MED27: variants seen among roughly 807,000 people sequenced by gnomAD.
MED27 encodes the protein mediator complex subunit 27, also known as mediator of RNA polymerase II transcription subunit 27.
A neutral mutation model predicts 38.2 loss-of-function variants in MED27; 30 were observed. That is an observed-to-expected ratio of 0.79 (90% confidence interval 0.59 to 1.07). The LOEUF is 1.07. Among genes scored for constraint, MED27 ranks in the 50% least tolerant of loss-of-function variants. The probability of loss-of-function intolerance (pLI) is 0.00; values close to 1 mark genes in which losing one functional copy is unlikely to be tolerated. For synonymous variants in MED27, 122 were observed against 153.5 expected (o/e 0.79, Z 1.52); for missense variants, 289 against 397.5 (o/e 0.73, Z 2.32).
At chr9:132,008,568 T>A (rs546261234) in intron 3 of MED27, among the ~76,000 whole-genome samples, 1 of 152,362 alleles carries the variant, frequency 6.6e-6, no homozygotes, top group African/African-American at 2.4e-5. Flanking sequence ...AAGATATGAA[T>A]CATTAATCCC....
intron 2 of MED27, among the ~76,000 whole-genome samples, chr9:132,041,456 TGAACATTTAACATAGGGG>T (rs1385585164): frequency 2.0e-5 from 3 of 152,172 alleles, no homozygotes; most frequent in Non-Finnish European, 4.4e-5. Context: ...TAGCACCAAA[TGAACATTTAACATAGGGG>T]ACTGCAGTTC....
intron 2 of MED27, among the ~76,000 whole-genome samples, chr9:132,062,556 A>G (rs1192736384): frequency 6.6e-6 from 1 of 152,172 alleles, no homozygotes; most frequent in Non-Finnish European, 1.5e-5. Context: ...CCTGGACCAC[A>G]TAACGAGCTA....
At chr9:132,031,575 AG>A (rs1411832242) in intron 2 of MED27, among the ~76,000 whole-genome samples, 1 of 152,152 alleles carries the variant, frequency 6.6e-6, no homozygotes, top group African/African-American at 2.4e-5. Context: ...GAGAGGTTGA[AG>A]TGGGAGATCA....
At chr9:131,899,509 C>G (rs553450473) in intron 4 of MED27, among the ~76,000 whole-genome samples, 1 of 152,304 alleles carries the variant, frequency 6.6e-6, no homozygotes, top group Admixed American at 6.5e-5. Context: ...CAGGGCAACT[C>G]AGACAACCTC....
At chr9:132,037,565 T>C (rs1678340638) in intron 2 of MED27, among the ~76,000 whole-genome samples, 1 of 152,188 alleles carries the variant, frequency 6.6e-6, no homozygotes. Flanking sequence ...TGGTAATTCA[T>C]ATTTCAAAAT....
At chr9:132,042,529 T>C (rs1589284706) in intron 2 of MED27, among the ~76,000 whole-genome samples, 1 of 152,216 alleles carries the variant, frequency 6.6e-6, no homozygotes, top group African/African-American at 2.4e-5. Context: ...ATCCCACAAT[T>C]CCTGCCCCTC....
intron 2 of MED27, among the ~76,000 whole-genome samples, chr9:132,043,537 TCATA>T (rs1308287298): frequency 3.3e-5 from 5 of 152,156 alleles, no homozygotes; most frequent in African/African-American, 1.2e-4. Flanking sequence ...ATATATAGTT[TCATA>T]CATAAAATCT....
At chr9:131,969,295 C>G (rs1044390097) in intron 3 of MED27, among the ~76,000 whole-genome samples, 2 of 151,840 alleles carry the variant, frequency 1.3e-5, no homozygotes, top group Non-Finnish European at 2.9e-5. Flanking sequence ...ATCAGGGACT[C>G]CATAAAGGAA....
At chr9:132,004,782 C>T (rs1329774199) in intron 3 of MED27, among the ~76,000 whole-genome samples, 7 of 152,192 alleles carry the variant, frequency 4.6e-5, no homozygotes, top group African/African-American at 1.7e-4. Flanking sequence ...TAGGAACGCA[C>T]GTCCAGAACA....
At chr9:132,037,018 G>C (rs1202764927) in intron 2 of MED27, among the ~76,000 whole-genome samples, 4 of 152,184 alleles carry the variant, frequency 2.6e-5, no homozygotes, top group African/African-American at 9.7e-5. Flanking sequence ...CCAAAGAGCA[G>C]AGCAAGGAGA....
intron 3 of MED27, among the ~76,000 whole-genome samples, chr9:131,973,023 C>A (rs1270970710): frequency 6.6e-6 from 1 of 152,184 alleles, no homozygotes; most frequent in African/African-American, 2.4e-5. Flanking sequence ...GGAAGCAATA[C>A]AAGAAAATTT....
intron 3 of MED27, among the ~76,000 whole-genome samples, chr9:132,000,075 A>T (rs1385179619): frequency 1.4e-5 from 1 of 70,994 alleles, no homozygotes; most frequent in Non-Finnish European, 2.5e-5. Flanking sequence ...CAAAAGTAAA[A>T]TCACTTTTGA....
At position 131,917,127 on chromosome 9, in the gene MED27, T is replaced by A. The variant is rs757765212; in HGVS notation, c.573+22254A>T. Among the ~76,000 whole-genome samples, 1 of 152,094 alleles carries A rather than the reference T, an allele frequency of 6.6e-6. No individual in the cohort carries two copies. The highest frequency in any genetic ancestry group is 1.5e-5 in the Non-Finnish European group (1 of 68,004). ...CTGGAAATGGGAAGGTATTTTTGCT[T>A]GTCACAGTAAGTCAGGGAGCTATTG... On this transcript the variant is annotated intron_variant, in intron 4 of 7. Transcript: ENST00000292035. The surrounding 1 kb of genome is among the most constrained non-coding windows in gnomAD (Gnocchi z 4.6).
rs80336864 is a variant in MED27 at position 131,964,593 on chromosome 9, T to C, written c.480-25119A>G. Among the ~76,000 whole-genome samples the C allele has an allele frequency of 2.1e-3, 317 of 152,180 alleles. 1 individual carries two copies. The highest frequency in any genetic ancestry group is 7.4e-3 in the African/African-American group (309 of 41,490). On this transcript the variant is annotated intron_variant, in intron 3 of 7. Coordinates refer to ENST00000292035, the MANE Select transcript of MED27 (RefSeq NM_004269.4). Reference sequence around the variant, plus strand: ...ACAAAACTGGGTATTTTCAATAACATAAGAACAAGAGAAAGAAGGCGGCAA... The same window carrying C: ...ACAAAACTGGGTATTTTCAATAACACAAGAACAAGAGAAAGAAGGCGGCAA...
chr9:132,064,188 T>C (rs1031480690), intron 2 of MED27, among the ~76,000 whole-genome samples: 2 of 152,070 alleles, frequency 1.3e-5, no homozygotes, highest in Admixed American at 6.5e-5. Context: ...CTTGCTATGA[T>C]TGGATGACTG....
At chr9:132,019,496 A>T (rs1394171965) in intron 2 of MED27, among the ~76,000 whole-genome samples, 1 of 152,206 alleles carries the variant, frequency 6.6e-6, no homozygotes, top group Admixed American at 6.5e-5. Flanking sequence ...GTATGTTCAC[A>T]GGCTTGAGCT....
At chr9:132,028,746 A>G (rs2131099361) in intron 2 of MED27, among the ~76,000 whole-genome samples, 1 of 152,312 alleles carries the variant, frequency 6.6e-6, no homozygotes, top group East Asian at 1.9e-4. Context: ...AAACACAGCC[A>G]GAGATCATCT....
intron 4 of MED27, among the ~76,000 whole-genome samples, chr9:131,897,210 T>C (rs1829846355): frequency 6.6e-6 from 1 of 152,262 alleles, no homozygotes. Flanking sequence ...TTTCCCCTAA[T>C]ATAAATATGG....
intron 6 of MED27, among the ~76,000 whole-genome samples, chr9:131,865,307 G>C (rs540030610): frequency 6.6e-6 from 1 of 152,184 alleles, no homozygotes; most frequent in East Asian, 1.9e-4. Flanking sequence ...CAGTAGTAAT[G>C]ATAACTTTGC....
Sources: gnomAD v4.1 joint callset for allele counts (sites outside exome capture counted in the v4.1 genomes callset) on GRCh38, gnomAD v4.1.1 for gene constraint, Gnocchi (gnomAD v3.1) non-coding constraint, MANE v1.5 for transcripts, NCBI Gene and HGNC (gene_info 2026-07-23, HGNC 2026-07-21) for gene names.